Variants in SAMMSON observed in about 807,000 individuals in gnomAD.
SAMMSON encodes long intergenic non-protein coding RNA 1212.
At chr3:70,245,672 TA>T (rs1159106365) in intron 4 of SAMMSON, among the ~76,000 whole-genome samples, 3 of 14,692 alleles carry the variant, frequency 2.0e-4, no homozygotes, top group African/African-American at 1.6e-3. Flanking sequence ...CAAACTGCTT[TA>T]TATATATATA....
rs570882030 is a variant in SAMMSON at position 70,345,111 on chromosome 3, C to T, written n.740-9064C>T. ...TATGAAATTAAATATGAGTTTATAC[C>T]GATGTCTCCATCTCTAATCCATTAC... On this transcript the variant is annotated intron_variant and non_coding_transcript_variant, in intron 7 of 9. Transcript: ENST00000642114. Among the ~76,000 whole-genome samples, 30 of 152,124 alleles carry T rather than the reference C, an allele frequency of 2.0e-4. 1 individual carries two copies. The highest frequency in any genetic ancestry group is 9.7e-4 in the East Asian group (5 of 5,174).
chr3:70,366,948 A>G (rs899635042), intron 9 of SAMMSON, among the ~76,000 whole-genome samples: 45 of 151,520 alleles, frequency 3.0e-4, no homozygotes, highest in African/African-American at 1.1e-3. Flanking sequence ...ATATTTTTAT[A>G]TTCTTATTTG....
intron 2 of SAMMSON, among the ~76,000 whole-genome samples, chr3:70,413,487 C>A (rs368722994): frequency 2.0e-5 from 3 of 151,986 alleles, no homozygotes; most frequent in African/African-American, 4.8e-5. Flanking sequence ...CCTACAGAAG[C>A]CAAATTAATT....
At chr3:70,264,949 G>A (rs1701902126) in intron 6 of SAMMSON, among the ~76,000 whole-genome samples, 1 of 152,180 alleles carries the variant, frequency 6.6e-6, no homozygotes, top group African/African-American at 2.4e-5. Context: ...AATCATGGTG[G>A]AAGGTGAATG....
chr3:70,378,833 G>C (rs1412277654), intron 9 of SAMMSON, among the ~76,000 whole-genome samples: 1 of 151,970 alleles, frequency 6.6e-6, no homozygotes, highest in Non-Finnish European at 1.5e-5. Flanking sequence ...CCCACTTGTA[G>C]ATTCTTATAA....
chr3:70,054,285 C>T (rs2067158194), intron 3 of SAMMSON, among the ~76,000 whole-genome samples: 1 of 152,108 alleles, frequency 6.6e-6, no homozygotes, highest in Admixed American at 6.6e-5. Flanking sequence ...GGAGGGAAGG[C>T]TTTATGTAGT....
At chr3:70,240,046 T>C (rs1481470474) in intron 4 of SAMMSON, among the ~76,000 whole-genome samples, 1 of 152,084 alleles carries the variant, frequency 6.6e-6, no homozygotes, top group African/African-American at 2.4e-5. Context: ...TAGTTTTGAG[T>C]GCTTCAATGC....
intron 4 of SAMMSON, among the ~76,000 whole-genome samples, chr3:70,131,023 C>T (rs935310949): frequency 2.0e-5 from 3 of 152,002 alleles, no homozygotes; most frequent in Non-Finnish European, 2.9e-5. Flanking sequence ...ATTGAATGCC[C>T]AAATAAGTAT....
intron 3 of SAMMSON, among the ~76,000 whole-genome samples, chr3:70,019,221 C>T (rs2067000010): frequency 6.6e-6 from 1 of 152,134 alleles, no homozygotes. Flanking sequence ...GAGTCTAAGT[C>T]TGTTTCTAGA....
chr3:70,292,244 A>G (rs563358080), intron 7 of SAMMSON, among the ~76,000 whole-genome samples: 1 of 152,292 alleles, frequency 6.6e-6, no homozygotes, highest in East Asian at 1.9e-4. Flanking sequence ...ATTGAGTGGT[A>G]CATCTTGTGA....
intron 2 of SAMMSON, among the ~76,000 whole-genome samples, chr3:70,418,979 T>TTCTCTCTCTCTCTCTC (rs71129503): frequency 3.0e-5 from 2 of 67,306 alleles, no homozygotes; most frequent in African/African-American, 1.2e-4. Flanking sequence ...CCTTCCTTCC[T>TTCTCTCTCTCTCTCTC]TCTCTCTCTC....
At chr3:70,150,055 G>A (rs1029636884) in intron 4 of SAMMSON, among the ~76,000 whole-genome samples, 3 of 151,666 alleles carry the variant, frequency 2.0e-5, no homozygotes, top group East Asian at 1.9e-4. Context: ...TTATTGTCTC[G>A]TGGTGCTTGC....
intron 4 of SAMMSON, among the ~76,000 whole-genome samples, chr3:70,091,489 A>G (rs2067304764): frequency 6.6e-6 from 1 of 152,210 alleles, no homozygotes; most frequent in African/African-American, 2.4e-5. Flanking sequence ...TTTATGGCAC[A>G]TTGATAATTC....
At chr3:70,145,413 A>C (rs35457492) in intron 4 of SAMMSON, among the ~76,000 whole-genome samples, 71,304 of 151,936 alleles carry the variant, frequency 0.47, 17,675 homozygotes, top group Non-Finnish European at 0.5. Flanking sequence ...GCCTTTTCAA[A>C]GTATGTAGAG....
intron 4 of SAMMSON, among the ~76,000 whole-genome samples, chr3:70,129,143 G>A (rs376200754): frequency 6.6e-6 from 1 of 152,064 alleles, no homozygotes; most frequent in Non-Finnish European, 1.5e-5. Flanking sequence ...TCTATCTTCT[G>A]ATTTAACATT....
chr3:70,267,683 TG>T (rs1701932801), intron 6 of SAMMSON, among the ~76,000 whole-genome samples: 1 of 151,606 alleles, frequency 6.6e-6, no homozygotes, highest in South Asian at 2.1e-4. Flanking sequence ...CCCAGAGTGC[TG>T]GGATTACAGG....
chr3:70,151,959 A>C (rs1402965810), intron 4 of SAMMSON, among the ~76,000 whole-genome samples: 2 of 152,030 alleles, frequency 1.3e-5, no homozygotes, highest in African/African-American at 4.8e-5. Flanking sequence ...TCATATTATT[A>C]AAAAATAGTG....
At chr3:70,272,583 G>A (rs1343583296) in intron 6 of SAMMSON, among the ~76,000 whole-genome samples, 1 of 152,090 alleles carries the variant, frequency 6.6e-6, no homozygotes, top group Non-Finnish European at 1.5e-5. Flanking sequence ...AGGTCTTTAC[G>A]TGGACATATG....
chr3:70,033,632 G>T (rs983350648), intron 3 of SAMMSON, among the ~76,000 whole-genome samples: 2 of 152,176 alleles, frequency 1.3e-5, no homozygotes, highest in Non-Finnish European at 2.9e-5. Context: ...CATGCATGGA[G>T]GTCAGAGACC....
Sources: allele counts gnomAD v4.1 joint callset (sites outside exome capture counted in the v4.1 genomes callset), GRCh38; gene constraint gnomAD v4.1.1; transcripts MANE v1.5; gene names NCBI Gene and HGNC (gene_info 2026-07-23, HGNC 2026-07-21).